SLC39A12: variants seen among roughly 807,000 people sequenced by gnomAD.
The protein encoded by SLC39A12 is zinc transporter ZIP12.
SLC39A12 carries 63 observed loss-of-function variants against 71.1 expected under a neutral mutation model. The observed-to-expected ratio is 0.89, with a 90% CI of 0.72 to 1.09. SLC39A12 has a LOEUF of 1.09. Ranked by LOEUF, SLC39A12 falls within the 50% of genes least tolerant of loss-of-function variation. The pLI, the probability that SLC39A12 is intolerant of heterozygous loss-of-function variation, is 0.00. For missense variants in SLC39A12, 892 were observed against 812.6 expected, an observed-to-expected ratio of 1.10 and a Z score of -1.19; for synonymous variants, 351 against 301.3, an observed-to-expected ratio of 1.16 and a Z score of -1.71.
At chr10:17,975,791 C>A (rs1460721118) in intron 4 of SLC39A12, among the ~76,000 whole-genome samples, 1 of 152,116 alleles carries the variant, frequency 6.6e-6, no homozygotes, top group Non-Finnish European at 1.5e-5. Flanking sequence ...TTTATTAGCA[C>A]CCCAGAGCAC....
intron 10 of SLC39A12, among the ~76,000 whole-genome samples, chr10:17,999,294 CAAAAAAAAAAAAAA>C (rs59734258): frequency 1.4e-5 from 1 of 70,374 alleles, no homozygotes; most frequent in African/African-American, 7.5e-5. Context: ...GACTCCATCT[CAAAAAAAAAAAAAA>C]AAAAAAAAAA....
At chr10:17,984,582 T>G (rs1835354239) in intron 6 of SLC39A12, among the ~76,000 whole-genome samples, 1 of 152,350 alleles carries the variant, frequency 6.6e-6, no homozygotes, top group African/African-American at 2.4e-5. Flanking sequence ...ATAGAGTCTG[T>G]GTGGGAAAGA....
In SLC39A12 at chr10:18,042,412, G is replaced by A. The variant is rs181306225; in HGVS notation, c.1948-293G>A. On this transcript the variant is annotated intron_variant, in intron 12 of 12. Coordinates refer to ENST00000377369, the MANE Select transcript of SLC39A12 (RefSeq NM_001145195.2). Reference sequence around the variant, plus strand: ...CAGGAGGTTGCTGTGAAATGTGATCGCAGCCATTGCACTCCAGCCTGGGTG... The same window carrying A: ...CAGGAGGTTGCTGTGAAATGTGATCACAGCCATTGCACTCCAGCCTGGGTG... Among the ~76,000 whole-genome samples the A allele has an allele frequency of 2.9e-3, 411 of 141,886 alleles. 2 individuals carry two copies. The highest frequency in any genetic ancestry group is 0.01 in the African/African-American group (387 of 37,538). The allele number at this position is 141,886 out of a possible 152,430, so 93.1% of individuals were successfully genotyped here.
chr10:17,960,331 G>C (rs1834655974), intron 2 of SLC39A12, among the ~76,000 whole-genome samples: 2 of 152,174 alleles, frequency 1.3e-5, no homozygotes, highest in South Asian at 4.1e-4. Context: ...CTTTTAGATA[G>C]TAAGGCGAAA....
chr10:17,959,952 G>A (rs1834645267), intron 2 of SLC39A12, among the ~76,000 whole-genome samples: 1 of 152,120 alleles, frequency 6.6e-6, no homozygotes, highest in South Asian at 2.1e-4. Flanking sequence ...AGGAGAAATA[G>A]CACACACATT....
At chr10:17,998,628 A>G (rs1835750261) in intron 10 of SLC39A12, among the ~76,000 whole-genome samples, 1 of 152,208 alleles carries the variant, frequency 6.6e-6, no homozygotes, top group African/African-American at 2.4e-5. Context: ...AAAATAAGTT[A>G]GTGAACCACA....
In SLC39A12 at chr10:17,987,605, C is replaced by A. The variant is rs1309826784; in HGVS notation, c.1223C>A (p.Ala408Asp). The change falls in exon 7 of 13, where the codon GCC becomes GAC. Residue 408 changes from alanine (A) to aspartate (D), a missense_variant. By Grantham distance (126) the Ala-to-Asp change is moderately radical. Transcript: ENST00000377369. ...RLILQLFVGL[A>D]VGTLSGDALL... ...ATCTTACAGCTGTTTGTGGGCTTGGCCGTCGGGACACTGTCTGGGGACGCT... is the reference window on the plus strand; with the variant it reads ...ATCTTACAGCTGTTTGTGGGCTTGGACGTCGGGACACTGTCTGGGGACGCT... 1.2e-6 allele frequency: 2 copies of A among 1,614,034 alleles called. No individual in the cohort carries two copies. Among genetic ancestry groups the A allele is most frequent in the South Asian group, 2.2e-5 (2 of 91,084 alleles).
chr10:18,015,208 A>G (rs1836341707), intron 12 of SLC39A12, among the ~76,000 whole-genome samples: 1 of 137,704 alleles, frequency 7.3e-6, no homozygotes, highest in Non-Finnish European at 1.6e-5. Context: ...GGGTACCACT[A>G]AGAACCATAT....
chr10:17,959,345 AC>A (rs35991077), intron 2 of SLC39A12, among the ~76,000 whole-genome samples: 1 of 149,984 alleles, frequency 6.7e-6, no homozygotes, highest in Non-Finnish European at 1.5e-5. Context: ...TGAGTACTTG[AC>A]CCCCTGCAGT....
At chr10:17,970,220 T>C (rs1834933176) in intron 4 of SLC39A12, among the ~76,000 whole-genome samples, 1 of 152,208 alleles carries the variant, frequency 6.6e-6, no homozygotes, top group African/African-American at 2.4e-5. Flanking sequence ...TCAGGTAACG[T>C]GATTCCTCTA....
rs147704587 is a variant in SLC39A12, at chr10:17,956,006, T to G, written c.261+2469T>G. Among the ~76,000 whole-genome samples, 522 of 152,304 alleles carry G rather than the reference T, an allele frequency of 3.4e-3. 4 individuals are homozygous for G. Among genetic ancestry groups the G allele is most frequent in the African/African-American group, 0.012 (490 of 41,572 alleles). ...GTGTTGAGACATGTGGAGCCTCAGC[T>G]TCCTCACCCTGAAGGCTGGGATAAT... On this transcript the variant is annotated intron_variant, in intron 2 of 12. Transcript: ENST00000377369.
intron 7 of SLC39A12, among the ~76,000 whole-genome samples, chr10:17,989,913 G>A (rs1033835944): frequency 8.1e-5 from 12 of 147,382 alleles, no homozygotes; most frequent in South Asian, 2.2e-4. Flanking sequence ...TCTGTCTCAC[G>A]AAAAAAAAAA....
At position 17,992,088 on chromosome 10, in the gene SLC39A12, CAAAAA is replaced by C. The variant is rs59014549; in HGVS notation, c.1422+802_1422+806del. 3.4e-5 allele frequency among the ~76,000 whole-genome samples: 3 copies of C among 87,228 alleles called. No homozygotes were observed. The South Asian group carries it at 1.3e-3, about 39-fold the overall frequency. The allele number at this position is 87,228 out of a possible 152,430, so 57.2% of individuals were successfully genotyped here. ...TGGGTGACAGAGCGAGACTCCATCT[CAAAAA>C]AAAAAAAAAAAAAAAACAAAAGAAA... is the stretch of plus-strand genomic sequence containing the variant. On this transcript the variant is annotated intron_variant, in intron 8 of 12. Coordinates refer to ENST00000377369, the MANE Select transcript of SLC39A12 (RefSeq NM_001145195.2).
At chr10:17,963,139 C>A (rs1201021201) in intron 3 of SLC39A12, among the ~76,000 whole-genome samples, 1 of 149,942 alleles carries the variant, frequency 6.7e-6, no homozygotes, top group Non-Finnish European at 1.5e-5. Context: ...CTACCCTGGG[C>A]AACAGAAAGA....
At chr10:17,965,315 T>C (rs905589134) in intron 3 of SLC39A12, among the ~76,000 whole-genome samples, 168 bp from the exon 4 acceptor site, 3 of 152,186 alleles carry the variant, frequency 2.0e-5, no homozygotes, top group African/African-American at 4.8e-5. Context: ...AATTTTCAAA[T>C]AGAGTTGTAT....
At chr10:18,002,035 C>T (rs1001630939) in intron 11 of SLC39A12, 1 of 151,832 alleles carries the variant, frequency 6.6e-6, no homozygotes, top group Non-Finnish European at 1.5e-5. Flanking sequence ...TTCTTTAACT[C>T]CATGAATTCA....
At chr10:17,971,328 A>G (rs1470521592) in intron 4 of SLC39A12, among the ~76,000 whole-genome samples, 1 of 116,208 alleles carries the variant, frequency 8.6e-6, no homozygotes, top group Non-Finnish European at 1.6e-5. Context: ...TGGTTTGGGT[A>G]TTAGGGCAAT....
At chr10:17,991,101 A>G (rs769988910) in intron 7 of SLC39A12, 50 bp from the exon 8 acceptor site, 6 of 1,513,140 alleles carry the variant, frequency 4.0e-6, no homozygotes, top group Non-Finnish European at 5.3e-6. Context: ...AGTCATCAAG[A>G]CTTATCTCCA....
At chr10:18,028,667 G>A (rs1008545544) in intron 12 of SLC39A12, among the ~76,000 whole-genome samples, 3 of 152,014 alleles carry the variant, frequency 2.0e-5, no homozygotes, top group African/African-American at 7.2e-5. Context: ...TTAAAGCTTC[G>A]ACTTGACTAG....
Sources: gnomAD v4.1 joint callset for allele counts (sites outside exome capture counted in the v4.1 genomes callset) on GRCh38, gnomAD v4.1.1 for gene constraint, MANE v1.5 for transcripts, NCBI Gene and HGNC (gene_info 2026-07-23, HGNC 2026-07-21) for gene names.